The following G3BP1 variants were observed in gnomAD, a reference collection of about 807,000 sequenced individuals.
The protein encoded by G3BP1 is G3BP stress granule assembly factor 1, also known as ras GTPase-activating protein-binding protein 1.
G3BP1 carries 35 observed loss-of-function variants against 58.6 expected under a neutral mutation model. The observed-to-expected ratio is 0.60, with a 90% CI of 0.46 to 0.79. G3BP1 has a LOEUF of 0.79. G3BP1 is among the 30% of genes least tolerant of loss of function. G3BP1 has a pLI of 0.00. For synonymous variants in G3BP1, 191 were observed against 195.4 expected (o/e 0.98, Z 0.19); for missense variants, 523 against 580.8 (o/e 0.90, Z 1.02).
At chr5:151,781,650 G>T (rs981332259) in intron 1 of G3BP1, among the ~76,000 whole-genome samples, 5 of 152,192 alleles carry the variant, frequency 3.3e-5, no homozygotes, top group South Asian at 2.1e-4. Flanking sequence ...ATAGGTTGAG[G>T]TGTGCAGCTG....
intron 11 of G3BP1, among the ~76,000 whole-genome samples, chr5:151,802,437 C>A (rs985054900): frequency 2.0e-5 from 3 of 152,128 alleles, no homozygotes; most frequent in African/African-American, 7.2e-5. Context: ...GACTGATTGC[C>A]GTGGTGTATG....
At chr5:151,790,188 A>G in intron 2 of G3BP1, 135 bp from the exon 3 acceptor site, 1 of 479,946 alleles carries the variant, frequency 2.1e-6, no homozygotes, top group Non-Finnish European at 3.8e-6. Flanking sequence ...CTATGATTGC[A>G]TCACTGCACT....
At chr5:151,784,950 T>C (rs943233064) in intron 1 of G3BP1, among the ~76,000 whole-genome samples, 2 of 152,192 alleles carry the variant, frequency 1.3e-5, no homozygotes, top group Non-Finnish European at 2.9e-5. Flanking sequence ...TGTTGAAAAT[T>C]TGGTTTGACT....
At chr5:151,791,204 C>T (rs1214493343) in intron 4 of G3BP1, 142 bp downstream of exon 4, 3 of 675,388 alleles carry the variant, frequency 4.4e-6, no homozygotes, top group Admixed American at 4.4e-5. Flanking sequence ...CTATATACTC[C>T]TTACCTAGAG....
At chr5:151,789,417 T>C (rs1487393535) in intron 2 of G3BP1, among the ~76,000 whole-genome samples, 1 of 152,098 alleles carries the variant, frequency 6.6e-6, no homozygotes, top group Non-Finnish European at 1.5e-5. Flanking sequence ...ATCTTAATAG[T>C]GGTTATCCCT....
chr5:151,808,048 A>G lies in G3BP1; in HGVS notation c.*3957A>G, dbSNP rs1290605483. On this transcript the variant is annotated 3_prime_UTR_variant, in exon 12 of 12. Coordinates refer to ENST00000356245, the MANE Select transcript of G3BP1 (RefSeq NM_005754.3). ...TTAGCTAACTGCCTAATGTACCAAA[A>G]AAAAATTAGCAATGTCTTATGTGGG... is the stretch of plus-strand genomic sequence containing the variant. 6.6e-6 allele frequency: 1 copy of G among 152,244 alleles called. No individual in the cohort carries two copies. The highest frequency in any genetic ancestry group is 1.5e-5 in the Non-Finnish European group (1 of 68,042). The allele number at this position is 152,244 out of a possible 1,614,324, so 9.4% of individuals were successfully genotyped here. A position where few individuals can be genotyped will look rare whatever the true frequency, so the allele number is the denominator to read the frequency against.
chr5:151,782,846 C>A (rs1200892890), intron 1 of G3BP1, among the ~76,000 whole-genome samples: 8 of 135,866 alleles, frequency 5.9e-5, no homozygotes, highest in Middle Eastern at 3.8e-3. Flanking sequence ...TTCTGTGACT[C>A]ATCTTTTTTT....
chr5:151,790,315 T>C lies in G3BP1; in HGVS notation c.96-8T>C. The C allele has an allele frequency of 6.8e-7, 1 of 1,462,294 alleles. No individual in the cohort carries two copies. The highest frequency in any genetic ancestry group is 9.4e-7 in the Non-Finnish European group (1 of 1,065,600). The allele number at this position is 1,462,294 out of a possible 1,614,324, so 90.6% of individuals were successfully genotyped here. A position where few individuals can be genotyped will look rare whatever the true frequency, so the allele number is the denominator to read the frequency against. ...AGATGACAAGTAAATCATCTTCCCA[T>C]TTTACAGATTTTATGGAAAGAACTC... On this transcript the variant is annotated splice_region_variant and splice_polypyrimidine_tract_variant and intron_variant, in intron 2 of 11. Transcript: ENST00000356245.
chr5:151,801,441 GC>G (rs1416206646), intron 11 of G3BP1, among the ~76,000 whole-genome samples: 1 of 152,004 alleles, frequency 6.6e-6, no homozygotes, highest in Non-Finnish European at 1.5e-5. Context: ...CCTTCCTCTA[GC>G]AAAAAACTAC....
At chr5:151,784,529 C>T (rs1490011606) in intron 1 of G3BP1, among the ~76,000 whole-genome samples, 1 of 152,010 alleles carries the variant, frequency 6.6e-6, no homozygotes, top group Admixed American at 6.6e-5. Flanking sequence ...GGGGCTAAAA[C>T]GTTGGGTAAG....
At chr5:151,803,256 T>C (rs1762885032) in intron 11 of G3BP1, among the ~76,000 whole-genome samples, 1 of 152,248 alleles carries the variant, frequency 6.6e-6, no homozygotes, top group Non-Finnish European at 1.5e-5. Context: ...TGAGGTTTTA[T>C]TCTAAGCCTC....
Position 151,799,919 on chromosome 5 carries a change from A to G in G3BP1, c.874A>G (p.Ile292Val), listed in dbSNP as rs1762821272. 1.2e-6 allele frequency: 2 copies of G among 1,613,088 alleles called. No homozygotes were observed. Among genetic ancestry groups the G allele is most frequent in the Non-Finnish European group, 1.7e-6 (2 of 1,179,056 alleles). Residue 292 changes from isoleucine (I) to valine (V), a missense_variant, in exon 9 of 12, where the codon ATT becomes GTT. By Grantham distance (29) the Ile-to-Val change is conservative. Around this residue, in one of 2 missense-constraint regions of G3BP1, gnomAD observed 398 missense variants for 399.1 expected, o/e 1.00. Transcript: ENST00000356245. ...PRPESKPESQ[I>V]PPQRPQRDQR... ...TCCAGAGTCTAAGCCTGAATCTCAG[A>G]TTCCACCACAAAGACCTCAGCGGGA... is the stretch of plus-strand genomic sequence containing the variant.
intron 6 of G3BP1, among the ~76,000 whole-genome samples, chr5:151,796,181 C>T (rs1372869085): frequency 2.6e-5 from 4 of 152,212 alleles, no homozygotes; most frequent in African/African-American, 9.7e-5. Context: ...AGGTTACTCA[C>T]TTGGGTTGCT....
intron 1 of G3BP1, among the ~76,000 whole-genome samples, chr5:151,778,329 T>C (rs1273510028): frequency 6.6e-6 from 1 of 152,240 alleles, no homozygotes; most frequent in East Asian, 1.9e-4. Context: ...GGTTTTAATT[T>C]GCATTTCTGT....
chr5:151,794,016 C>T, intron 4 of G3BP1, 143 bp from the exon 5 acceptor site: 1 of 587,846 alleles, frequency 1.7e-6, no homozygotes, highest in Non-Finnish European at 3.1e-6. Context: ...GTCTCAGAAC[C>T]CCACAACAAC....
intron 1 of G3BP1, among the ~76,000 whole-genome samples, chr5:151,784,799 A>G (rs979594322): frequency 2.0e-5 from 3 of 152,158 alleles, no homozygotes; most frequent in African/African-American, 7.2e-5. Flanking sequence ...TTTATTATCA[A>G]TAGATAATAT....
At chr5:151,800,902 T>TA (rs1171855280) in intron 11 of G3BP1, 33 bp downstream of exon 11, 2 of 1,132,938 alleles carry the variant, frequency 1.8e-6, no homozygotes, top group African/African-American at 3.1e-5. Flanking sequence ...TTTTTTTTTT[T>TA]TTTTTTAAAA....
chr5:151,799,970 A>G lies in G3BP1; in HGVS notation c.925A>G (p.Asn309Asp), dbSNP rs576246122. The change falls in exon 9 of 12, where the codon AAT (asparagine) becomes GAT (aspartate). Residue 309 changes from asparagine to aspartate, a missense_variant. Physicochemically the swap from Asn to Asp is conservative, Grantham distance 23 (BLOSUM62 1). Around this residue, in one of 2 missense-constraint regions of G3BP1, gnomAD observed 398 missense variants for 399.1 expected, o/e 1.00. Coordinates refer to ENST00000356245, the MANE Select transcript of G3BP1 (RefSeq NM_005754.3). ...RDQRVREQRI[N>D]IPPQRGPRPI... ...TCAAAGAGTGCGAGAACAACGAATA[A>G]ATATTCCTCCCCAAAGGGGACCCAG... The G allele has an allele frequency of 6.2e-7, 1 of 1,611,344 alleles. No homozygotes were observed. Among genetic ancestry groups the G allele is most frequent in the Non-Finnish European group, 8.5e-7 (1 of 1,177,660 alleles).
intron 1 of G3BP1, among the ~76,000 whole-genome samples, chr5:151,773,623 CAT>C (rs1266265243): frequency 6.6e-6 from 1 of 152,130 alleles, no homozygotes; most frequent in Non-Finnish European, 1.5e-5. Context: ...CTTCTATAAA[CAT>C]AAAGATTTCT....
Sources: allele counts gnomAD v4.1 joint callset (sites outside exome capture counted in the v4.1 genomes callset), GRCh38; gene constraint gnomAD v4.1.1; regional missense constraint gnomAD v4.1.1; transcripts MANE v1.5; gene names NCBI Gene and HGNC (gene_info 2026-07-23, HGNC 2026-07-21).